The following ZBED6 variants were observed in gnomAD, a reference collection of about 807,000 sequenced individuals.
ZBED6 encodes zinc finger BED domain-containing protein 6.
In ZBED6, 40 loss-of-function variants were observed where a neutral mutation model predicts 58.4. The ratio of observed to expected loss-of-function variants is 0.68; its 90% CI spans 0.53 to 0.89. ZBED6 has a LOEUF of 0.89. Ranked by LOEUF, ZBED6 falls within the 40% of genes least tolerant of loss-of-function variation. The pLI is 0.00. For synonymous variants in ZBED6, 439 were observed against 350.6 expected (o/e 1.25, Z -2.82); for missense variants, 1,057 against 1,003.9 (o/e 1.05, Z -0.71).
intron 1 of ZBED6, among the ~76,000 whole-genome samples, chr1:203,810,868 C>A (rs1203064374): frequency 1.3e-5 from 2 of 151,782 alleles, no homozygotes; most frequent in Non-Finnish European, 2.9e-5. Context: ...CAGACGCTCA[C>A]GCCTGTAATC....
At chr1:203,798,960 A>G (rs980412512) in exon 1 of ZBED6, 43 of 1,536,030 alleles carry the variant, frequency 2.8e-5, no homozygotes, top group Middle Eastern at 1.7e-4. Flanking sequence ...AAGCCAAAAG[A>G]TACACCTGAC....
exon 1 of ZBED6, chr1:203,798,212 G>C (rs1267360212): frequency 6.5e-7 from 1 of 1,536,148 alleles, no homozygotes; most frequent in Admixed American, 2.0e-5. Flanking sequence ...GAATGGGCAA[G>C]AAGCATGATA....
At chr1:203,833,734 T>C in intron 8 of ZBED6, 57 bp from the exon 9 acceptor site, 1 of 1,497,614 alleles carries the variant, frequency 6.7e-7, no homozygotes, top group South Asian at 1.2e-5. Context: ...CCATTAGTAG[T>C]TACTGAATAC....
intron 10 of ZBED6, 122 bp downstream of exon 10, chr1:203,838,186 AT>A: frequency 1.1e-6 from 1 of 921,296 alleles, no homozygotes; most frequent in Non-Finnish European, 1.6e-6. Context: ...TATTTGTTAT[AT>A]TATTCACTCA....
intron 1 of ZBED6, among the ~76,000 whole-genome samples, chr1:203,803,885 G>A (rs960530629): frequency 2.0e-5 from 3 of 152,184 alleles, no homozygotes; most frequent in East Asian, 3.9e-4. Context: ...GATTACAGGT[G>A]TGAGCCACCA....
At chr1:203,799,193 C>T (rs1287717775) in exon 1 of ZBED6, 1 of 1,178,658 alleles carries the variant, frequency 8.5e-7, no homozygotes, top group Non-Finnish European at 1.2e-6. Context: ...ATTTCCTTAT[C>T]CCTAGCTTCA....
At chr1:203,819,494 T>C (rs1677675714) in intron 3 of ZBED6, among the ~76,000 whole-genome samples, 1 of 150,640 alleles carries the variant, frequency 6.6e-6, no homozygotes, top group African/African-American at 2.4e-5. Flanking sequence ...AGTGCTGGGA[T>C]TACATGCGTG....
chr1:203,839,343 GGAATTA>G (rs1365078993), intron 10 of ZBED6, among the ~76,000 whole-genome samples: 4 of 152,112 alleles, frequency 2.6e-5, no homozygotes, highest in Non-Finnish European at 1.5e-5. Flanking sequence ...CGCCCCTCAG[GGAATTA>G]GAATTCTTTA....
intron 3 of ZBED6, among the ~76,000 whole-genome samples, chr1:203,826,053 CA>C (rs2102960064): frequency 6.6e-6 from 1 of 152,176 alleles, no homozygotes; most frequent in African/African-American, 2.4e-5. Context: ...AAAATTTAAG[CA>C]AAGGTAGGCT....
chr1:203,800,127 G>A (rs1428114799), exon 1 of ZBED6: 1 of 1,536,122 alleles, frequency 6.5e-7, no homozygotes, highest in Admixed American at 2.0e-5. Context: ...AGTTGTGGAT[G>A]AGTACTTCAA....
chr1:203,852,909 A>G (rs3881954), exon 17 of ZBED6: 2,623 of 165,524 alleles, frequency 0.016, 69 homozygotes, highest in African/African-American at 0.055. Flanking sequence ...AAGGTATTTA[A>G]AGATTCAACT....
chr1:203,812,191 G>C (rs770213346), intron 1 of ZBED6, among the ~76,000 whole-genome samples: 5 of 152,052 alleles, frequency 3.3e-5, no homozygotes, highest in Non-Finnish European at 7.4e-5. Flanking sequence ...GTGTGTCGTG[G>C]GGGTTTGTTG....
intron 1 of ZBED6, among the ~76,000 whole-genome samples, chr1:203,813,940 ATACCC>A (rs1675363983): frequency 6.7e-6 from 1 of 149,024 alleles, no homozygotes; most frequent in Non-Finnish European, 1.5e-5. Context: ...TTGCCCACCC[ATACCC>A]TTTTCTCTAC....
At chr1:203,825,091 A>G (rs938871899) in intron 3 of ZBED6, among the ~76,000 whole-genome samples, 2 of 151,580 alleles carry the variant, frequency 1.3e-5, no homozygotes, top group African/African-American at 2.4e-5. Flanking sequence ...AAAAAAAAAA[A>G]AAAAGAAAAT....
At chr1:203,851,211 A>G in intron 16 of ZBED6, 87 bp downstream of exon 16, 1 of 1,185,986 alleles carries the variant, frequency 8.4e-7, no homozygotes, top group Admixed American at 2.3e-5. Context: ...AAATAACTTT[A>G]GCAACATTCA....
chr1:203,815,695 ACAT>A (rs1676149647), intron 1 of ZBED6, among the ~76,000 whole-genome samples: 1 of 152,216 alleles, frequency 6.6e-6, no homozygotes, highest in African/African-American at 2.4e-5. Flanking sequence ...CAGGTTGTTA[ACAT>A]CAAGGTGACT....
chr1:203,839,329 A>T (rs1403955626), intron 10 of ZBED6, among the ~76,000 whole-genome samples: 1 of 152,224 alleles, frequency 6.6e-6, no homozygotes, highest in East Asian at 1.9e-4. Context: ...GGAATGCACT[A>T]TTGCGCCCCT....
chr1:203,813,639 G>T (rs1271876970), intron 1 of ZBED6, among the ~76,000 whole-genome samples: 4 of 152,108 alleles, frequency 2.6e-5, no homozygotes, highest in African/African-American at 7.2e-5. Flanking sequence ...GAAGTTTGTT[G>T]TCTCACAATT....
At chr1:203,799,539 A>G in exon 1 of ZBED6, 2 of 703,036 alleles carry the variant, frequency 2.8e-6, no homozygotes, top group South Asian at 3.0e-5. Context: ...TGGTAGAGCC[A>G]GTGGAGTTGT....
Sources: gnomAD v4.1 joint callset for allele counts (sites outside exome capture counted in the v4.1 genomes callset) on GRCh38, gnomAD v4.1.1 for gene constraint, MANE v1.5 for transcripts, NCBI Gene and HGNC (gene_info 2026-07-23, HGNC 2026-07-21) for gene names.